The following GALNTL6 variants were observed in gnomAD, a reference collection of about 807,000 sequenced individuals.
The protein encoded by GALNTL6 is polypeptide N-acetylgalactosaminyltransferase like 6.
GALNTL6 carries 46 observed loss-of-function variants against 73.7 expected under a neutral mutation model. That is an observed-to-expected ratio of 0.62 (90% CI 0.49 to 0.80). The LOEUF (loss-of-function observed/expected upper bound fraction) is 0.80. Among genes scored for constraint, GALNTL6 ranks in the 30% least tolerant of loss-of-function variants. The pLI is 0.00. For missense variants in GALNTL6, 604 were observed against 755.0 expected (o/e 0.80, Z 2.34); for synonymous variants, 259 against 263.7 (o/e 0.98, Z 0.17).
intron 8 of GALNTL6, among the ~76,000 whole-genome samples, chr4:172,893,868 C>CAT (rs1279313012): frequency 2.0e-5 from 3 of 152,162 alleles, no homozygotes; most frequent in African/African-American, 7.2e-5. Flanking sequence ...CTCTGAAGGT[C>CAT]ATAGGATCTC....
At chr4:172,957,176 G>A (rs1235325104) in intron 10 of GALNTL6, among the ~76,000 whole-genome samples, 1 of 152,108 alleles carries the variant, frequency 6.6e-6, no homozygotes, top group Non-Finnish European at 1.5e-5. Context: ...GGAAGGGAGG[G>A]GGCCTGAATA....
intron 5 of GALNTL6, among the ~76,000 whole-genome samples, chr4:172,592,716 C>CT (rs1553963436): frequency 9.2e-5 from 14 of 151,652 alleles, no homozygotes; most frequent in African/African-American, 3.2e-4. Context: ...ATCTATCTAT[C>CT]GAGAGAGACT....
rs751178438 is a variant in GALNTL6, at chr4:172,952,261, G to A, written c.1371+3G>A. ...CCCCGCCTGCTGCCTGGGGGGAGGT[G>A]AGGAAAGGTTGCCTGAAACCTGCGC... On this transcript the variant is annotated splice_donor_region_variant and intron_variant, in intron 10 of 12. Coordinates refer to ENST00000506823, the MANE Select transcript of GALNTL6 (RefSeq NM_001034845.3). 6.8e-6 allele frequency: 11 copies of A among 1,612,062 alleles called. No homozygotes were observed. Among genetic ancestry groups the A allele is most frequent in the Non-Finnish European group, 9.3e-6 (11 of 1,178,526 alleles).
chr4:172,856,555 T>C (rs529594500), intron 7 of GALNTL6, among the ~76,000 whole-genome samples: 100 of 152,370 alleles, frequency 6.6e-4, no homozygotes, highest in Non-Finnish European at 1.1e-3. Context: ...CATTATTGTT[T>C]GTTGCTGTTC....
At chr4:172,808,137 G>A (rs545817083) in intron 5 of GALNTL6, among the ~76,000 whole-genome samples, 1 of 152,192 alleles carries the variant, frequency 6.6e-6, no homozygotes, top group South Asian at 2.1e-4. Flanking sequence ...CTGTATTCTT[G>A]TACAGTGAAA....
At chr4:172,256,184 A>G (rs1170081006) in intron 3 of GALNTL6, among the ~76,000 whole-genome samples, 1 of 151,370 alleles carries the variant, frequency 6.6e-6, no homozygotes, top group East Asian at 1.9e-4. Flanking sequence ...TTTGCCCTTA[A>G]TTTCATTTTT....
chr4:171,909,826 A>G (rs114924717), intron 2 of GALNTL6, among the ~76,000 whole-genome samples: 2,450 of 152,222 alleles, frequency 0.016, 68 homozygotes, highest in African/African-American at 0.056. Flanking sequence ...AAACCATATC[A>G]ATATCTTGTA....
In GALNTL6 at chr4:172,233,348, C is replaced by CTAAATAAA. The variant is rs3083265; in HGVS notation, c.247+3612_247+3619dup. On this transcript the variant is annotated intron_variant, in intron 3 of 12. Coordinates refer to ENST00000506823, the MANE Select transcript of GALNTL6 (RefSeq NM_001034845.3). The stretch of plus-strand genomic sequence containing the variant: ...CCAGCCTGGGCTGGAGACTCTGTCT[C>CTAAATAAA]TAAATAAATAAATAAATAAATAAAT... 1.4e-3 allele frequency among the ~76,000 whole-genome samples: 205 copies of CTAAATAAA among 146,808 alleles called. 3 individuals are homozygous for CTAAATAAA. Among genetic ancestry groups the CTAAATAAA allele is most frequent in the African/African-American group, 4.8e-3 (192 of 39,600 alleles).
At chr4:172,237,615 T>C (rs1579288038) in intron 3 of GALNTL6, among the ~76,000 whole-genome samples, 3 of 152,288 alleles carry the variant, frequency 2.0e-5, no homozygotes, top group Admixed American at 2.0e-4. Flanking sequence ...TGTCAATTTT[T>C]GGTTTTGTTG....
intron 5 of GALNTL6, among the ~76,000 whole-genome samples, chr4:172,696,254 C>A (rs1300054225): frequency 6.6e-6 from 1 of 152,134 alleles, no homozygotes; most frequent in African/African-American, 2.4e-5. Flanking sequence ...TCACTCTCAA[C>A]CATTGAGCTT....
intron 5 of GALNTL6, among the ~76,000 whole-genome samples, chr4:172,760,329 G>A (rs1738011357): frequency 6.6e-6 from 1 of 152,186 alleles, no homozygotes; most frequent in Admixed American, 6.5e-5. Flanking sequence ...AAAAGGCCTT[G>A]AAAATATTTC....
chr4:172,102,766 T>A (rs1258801857), intron 2 of GALNTL6, among the ~76,000 whole-genome samples: 1 of 152,194 alleles, frequency 6.6e-6, no homozygotes, highest in Non-Finnish European at 1.5e-5. Flanking sequence ...ATTCTTACTC[T>A]GACACTTCTC....
chr4:172,071,999 A>G (rs1199789453), intron 2 of GALNTL6, among the ~76,000 whole-genome samples: 1 of 152,162 alleles, frequency 6.6e-6, no homozygotes, highest in Non-Finnish European at 1.5e-5. Context: ...CAAGATGGTT[A>G]CTAGAGATAG....
At chr4:172,251,611 G>A (rs766338499) in intron 3 of GALNTL6, among the ~76,000 whole-genome samples, 9 of 152,118 alleles carry the variant, frequency 5.9e-5, no homozygotes, top group Non-Finnish European at 8.8e-5. Flanking sequence ...GGACAGAGGG[G>A]CTTCCTACTG....
chr4:172,766,419 TA>T (rs1172576151), intron 5 of GALNTL6, among the ~76,000 whole-genome samples: 2 of 152,184 alleles, frequency 1.3e-5, no homozygotes, highest in Non-Finnish European at 2.9e-5. Context: ...TGAAAAAGTC[TA>T]TGCTTTACAT....
chr4:172,367,781 A>G (rs1018924010), intron 5 of GALNTL6, among the ~76,000 whole-genome samples: 15 of 152,122 alleles, frequency 9.9e-5, no homozygotes, highest in African/African-American at 3.6e-4. Context: ...AAGTTATACT[A>G]TATAAAACTT....
chr4:172,595,093 A>T (rs1040883519), intron 5 of GALNTL6, among the ~76,000 whole-genome samples: 125 of 152,322 alleles, frequency 8.2e-4, no homozygotes, highest in African/African-American at 2.9e-3. Context: ...CACTAATCCC[A>T]TTCATGAGAG....
At chr4:171,882,795 C>A (rs527981454) in intron 2 of GALNTL6, among the ~76,000 whole-genome samples, 235 of 152,292 alleles carry the variant, frequency 1.5e-3, no homozygotes, top group African/African-American at 5.5e-3. Flanking sequence ...CACCCAGGAA[C>A]AATACTTTGC....
At chr4:171,959,858 A>T (rs1429939717) in intron 2 of GALNTL6, among the ~76,000 whole-genome samples, 2 of 152,214 alleles carry the variant, frequency 1.3e-5, no homozygotes, top group East Asian at 3.8e-4. Context: ...CTTTATCCAC[A>T]CTCAACAATG....
Sources: gnomAD v4.1 joint callset for allele counts (sites outside exome capture counted in the v4.1 genomes callset) on GRCh38, gnomAD v4.1.1 for gene constraint, MANE v1.5 for transcripts, NCBI Gene and HGNC (gene_info 2026-07-23, HGNC 2026-07-21) for gene names.